Variants in PPIL4 observed in about 807,000 individuals in gnomAD.
PPIL4 encodes peptidyl-prolyl cis-trans isomerase-like 4.
PPIL4 carries 50 observed loss-of-function variants against 69.1 expected under a neutral mutation model. That is an observed-to-expected ratio of 0.72 (90% confidence interval 0.58 to 0.92). The LOEUF (loss-of-function observed/expected upper bound fraction) is 0.92, where lower values mean the gene tolerates loss of function less well. Among genes scored for constraint, PPIL4 ranks in the 40% least tolerant of loss-of-function variants. The probability of loss-of-function intolerance (pLI) is 0.00; values close to 1 mark genes in which losing one functional copy is unlikely to be tolerated. For synonymous variants in PPIL4, 193 were observed against 191.6 expected (o/e 1.01, Z -0.06); for missense variants, 480 against 587.9 (o/e 0.82, Z 1.90).
chr6:149,531,745 C>A (rs1777202591), intron 7 of PPIL4, among the ~76,000 whole-genome samples: 1 of 152,112 alleles, frequency 6.6e-6, no homozygotes, highest in African/African-American at 2.4e-5. Flanking sequence ...TCTCGGCTCA[C>A]AGCAACTTTC....
Position 149,541,359 on chromosome 6 carries a change from C to A in PPIL4, c.203+8G>T, listed in dbSNP as rs762616999. 22 of 1,202,970 alleles carry A rather than the reference C, an allele frequency of 1.8e-5. No homozygotes were observed. Among genetic ancestry groups the A allele is most frequent in the African/African-American group, 1.4e-4 (8 of 57,918 alleles). 74.5% of individuals were successfully genotyped at this position (1,202,970 alleles called of 1,614,324 possible). A position where few individuals can be genotyped will look rare whatever the true frequency, so the allele number is the denominator to read the frequency against. On this transcript the variant is annotated splice_region_variant and intron_variant, in intron 3 of 12. Coordinates refer to ENST00000253329, the MANE Select transcript of PPIL4 (RefSeq NM_139126.4). ...TAAATAAATAAATAAATAAATAAAACAACTTACCCAAAGATAGACTCTCCT... is the reference window on the plus strand; with the variant it reads ...TAAATAAATAAATAAATAAATAAAAAAACTTACCCAAAGATAGACTCTCCT...
intron 7 of PPIL4, among the ~76,000 whole-genome samples, chr6:149,532,756 G>A (rs1490848247): frequency 6.6e-6 from 1 of 152,114 alleles, no homozygotes; most frequent in East Asian, 1.9e-4. Flanking sequence ...GGAAGCTGCA[G>A]CAAGCTATGA....
intron 11 of PPIL4, among the ~76,000 whole-genome samples, chr6:149,513,708 G>T (rs1226023942): frequency 6.6e-6 from 1 of 151,762 alleles, no homozygotes; most frequent in Non-Finnish European, 1.5e-5. Flanking sequence ...GAAACAAGGA[G>T]AAATAAAAAG....
rs1161216264 is a variant in PPIL4 at position 149,535,750 on chromosome 6, G to A, written c.322-12C>T. 3.2e-6 allele frequency: 5 copies of A among 1,561,312 alleles called. No individual in the cohort carries two copies. In the Admixed American group the frequency reaches 5.3e-5, roughly 17 times the overall value. On this transcript the variant is annotated splice_polypyrimidine_tract_variant and intron_variant, in intron 4 of 12. Transcript: ENST00000253329. Reference sequence around the variant, plus strand: ...GTGGTGATAAGAAACTATAAAGAAGGACACATAATAAATACCATAAAAATA... The same window carrying A: ...GTGGTGATAAGAAACTATAAAGAAGAACACATAATAAATACCATAAAAATA...
In PPIL4 at chr6:149,533,535, T is replaced by G. The variant is rs1777230191; in HGVS notation, c.601A>C (p.Lys201Gln). 6.2e-7 allele frequency: 1 copy of G among 1,612,486 alleles called. No individual in the cohort carries two copies. Among genetic ancestry groups the G allele is most frequent in the Non-Finnish European group, 8.5e-7 (1 of 1,178,828 alleles). Reference sequence around the variant, plus strand: ...TCTACTTCCTCAGCTGATCTTCCTTTGAAATCATCAATTTCTTCATCTGCT... The same window carrying G: ...TCTACTTCCTCAGCTGATCTTCCTTGGAAATCATCAATTTCTTCATCTGCT... ...IGADEEIDDF[K>Q]GRSAEEVEEI... Residue 201 changes from lysine (K) to glutamine (Q), a missense_variant, in exon 7 of 13, where the codon AAA becomes CAA. Coordinates refer to ENST00000253329, the MANE Select transcript of PPIL4 (RefSeq NM_139126.4).
chr6:149,519,292 TTATAA>T (rs1401503909), intron 10 of PPIL4, among the ~76,000 whole-genome samples: 4 of 152,178 alleles, frequency 2.6e-5, no homozygotes, highest in Non-Finnish European at 4.4e-5. Flanking sequence ...TAATGAGGAA[TTATAA>T]TATTTATTTC....
intron 5 of PPIL4, among the ~76,000 whole-genome samples, chr6:149,534,976 C>A (rs949699981): frequency 6.6e-6 from 1 of 152,156 alleles, no homozygotes; most frequent in African/African-American, 2.4e-5. Context: ...TATCACCCTG[C>A]ATTACTTTAA....
chr6:149,528,700 G>T (rs1777145094), intron 7 of PPIL4, among the ~76,000 whole-genome samples: 2 of 152,164 alleles, frequency 1.3e-5, no homozygotes, highest in South Asian at 4.1e-4. Context: ...CACTTTAGAA[G>T]ACAGTTTGGC....
At chr6:149,543,074 G>C (rs1269399849) in intron 1 of PPIL4, among the ~76,000 whole-genome samples, 2 of 152,114 alleles carry the variant, frequency 1.3e-5, no homozygotes, top group African/African-American at 4.8e-5. Flanking sequence ...AAATCTTTAG[G>C]TCTTTCATCA....
At chr6:149,516,171 G>T (rs1776940668) in intron 11 of PPIL4, among the ~76,000 whole-genome samples, 1 of 152,126 alleles carries the variant, frequency 6.6e-6, no homozygotes, top group South Asian at 2.1e-4. Flanking sequence ...TAATTTCAAA[G>T]ATTTGGTAAA....
At chr6:149,524,493 A>G (rs1777076946) in intron 9 of PPIL4, among the ~76,000 whole-genome samples, 1 of 152,196 alleles carries the variant, frequency 6.6e-6, no homozygotes, top group Non-Finnish European at 1.5e-5. Flanking sequence ...AGATGTATTA[A>G]TATCTAAATC....
chr6:149,516,415 C>G (rs538448913), intron 11 of PPIL4, among the ~76,000 whole-genome samples: 1 of 152,142 alleles, frequency 6.6e-6, no homozygotes, highest in South Asian at 2.1e-4. Flanking sequence ...TGAATATAGA[C>G]CAGGTCAACC....
intron 11 of PPIL4, chr6:149,516,997 G>A (rs1024733618): frequency 3.8e-5 from 6 of 159,316 alleles, no homozygotes; most frequent in Admixed American, 6.5e-5. Flanking sequence ...TAGGCTTTCC[G>A]GTTTTTGCAG....
chr6:149,510,260 T>A (rs1228170270), intron 12 of PPIL4, among the ~76,000 whole-genome samples: 27 of 152,184 alleles, frequency 1.8e-4, no homozygotes, highest in Non-Finnish European at 1.5e-5. Flanking sequence ...TAAATTTTTT[T>A]AAATCAATAA....
At chr6:149,513,400 AAAAAAAAAAAAAATAT>A in intron 11 of PPIL4, among the ~76,000 whole-genome samples, 2 of 104,492 alleles carry the variant, frequency 1.9e-5, no homozygotes, top group Admixed American at 1.1e-4. Context: ...AAAAAAAAAA[AAAAAAAAAAAAAATAT>A]ATATATATAT....
chr6:149,511,231 A>G (rs1319578035), intron 12 of PPIL4, among the ~76,000 whole-genome samples: 1 of 151,940 alleles, frequency 6.6e-6, no homozygotes, highest in Non-Finnish European at 1.5e-5. Flanking sequence ...CTGATGTAAA[A>G]AAAAAAAAAA....
In PPIL4 at chr6:149,544,044, G is replaced by A. The variant is rs183517070; in HGVS notation, c.70+1892C>T. On this transcript the variant is annotated intron_variant, in intron 1 of 12. Coordinates refer to ENST00000253329, the MANE Select transcript of PPIL4 (RefSeq NM_139126.4). The stretch of plus-strand genomic sequence containing the variant: ...CATATGCTTACAAATATGTACAGGG[G>A]GTGGACTTATTGTTATGGGCTTATC... Among the ~76,000 whole-genome samples the A allele has an allele frequency of 1.9e-3, 296 of 152,252 alleles. 1 individual carries two copies. Among genetic ancestry groups the A allele is most frequent in the African/African-American group, 6.8e-3 (283 of 41,546 alleles).
intron 12 of PPIL4, among the ~76,000 whole-genome samples, chr6:149,507,872 G>A (rs544797198): frequency 6.6e-6 from 1 of 152,312 alleles, no homozygotes; most frequent in African/African-American, 2.4e-5. Context: ...AATTAGAGAA[G>A]GTTTCATGGA....
rs373210572 is a variant in PPIL4, at chr6:149,506,413, G to A, written c.1228-709C>T. Reference sequence around the variant, plus strand: ...CTTGAACCTGGGAGGCAGAGGTTGCGGTGAGCCAAGATTGCCCCACTGCAC... The same window carrying A: ...CTTGAACCTGGGAGGCAGAGGTTGCAGTGAGCCAAGATTGCCCCACTGCAC... On this transcript the variant is annotated intron_variant, in intron 12 of 12. Transcript: ENST00000253329. 2.4e-4 allele frequency among the ~76,000 whole-genome samples: 36 copies of A among 152,132 alleles called. No homozygotes were observed. The East Asian group carries it at 4.3e-3, about 18-fold the overall frequency.
Sources: allele counts gnomAD v4.1 joint callset (sites outside exome capture counted in the v4.1 genomes callset), GRCh38; gene constraint gnomAD v4.1.1; transcripts MANE v1.5; gene names NCBI Gene and HGNC (gene_info 2026-07-23, HGNC 2026-07-21).